Variants in ABCB11 observed in about 807,000 individuals in gnomAD.
The protein encoded by ABCB11 is ATP binding cassette subfamily B member 11.
A neutral mutation model predicts 148.0 loss-of-function variants in ABCB11; 95 were observed. That is an observed-to-expected ratio of 0.64 (90% CI 0.54 to 0.76). ABCB11 has a LOEUF of 0.76. Among genes scored for constraint, ABCB11 ranks in the 30% least tolerant of loss-of-function variants. The probability of loss-of-function intolerance (pLI) is 0.00; values close to 1 mark genes in which losing one functional copy is unlikely to be tolerated. For synonymous variants in ABCB11, 591 were observed against 555.4 expected, an observed-to-expected ratio of 1.06 and a Z score of -0.90; for missense variants, 1,523 against 1,617.8, an observed-to-expected ratio of 0.94 and a Z score of 1.01.
intron 5 of ABCB11, among the ~76,000 whole-genome samples, chr2:169,009,594 G>A (rs1415721204): frequency 4.7e-4 from 50 of 106,292 alleles, no homozygotes; most frequent in Non-Finnish European, 2.0e-4. Flanking sequence ...GGGGGGAGGG[G>A]GGAGGGATAG....
At chr2:168,969,814 A>C (rs1334500672) in intron 15 of ABCB11, among the ~76,000 whole-genome samples, 1 of 152,078 alleles carries the variant, frequency 6.6e-6, no homozygotes, top group Non-Finnish European at 1.5e-5. Context: ...TAGTCTTAAC[A>C]AGATTTAAAC....
intron 8 of ABCB11, among the ~76,000 whole-genome samples, chr2:168,992,723 G>A (rs1047255396): frequency 2.0e-5 from 3 of 151,996 alleles, no homozygotes; most frequent in Non-Finnish European, 4.4e-5. Flanking sequence ...ACCTGTTAGC[G>A]GTACAGCCAA....
rs774654814 is a variant in ABCB11, at chr2:169,014,305, A to G, written c.148T>C (p.Leu50=). 2 of 1,613,054 alleles carry G rather than the reference A, an allele frequency of 1.2e-6. No homozygotes were observed. Among genetic ancestry groups the G allele is most frequent in the South Asian group, 2.2e-5 (2 of 91,056 alleles). Residue 50 remains leucine (L), a splice_region_variant and synonymous_variant, in exon 4 of 28, where the codon TTG becomes CTG. Transcript: ENST00000650372. The stretch of plus-strand genomic sequence containing the variant: ...ATAAATCAACACAGTTTTATTACCA[A>G]TTGAAAGAAGCCAACTCTAACGCCA... ...GDGVRVGFFQ[L]FRFSSSTDIW...
chr2:169,013,417 T>C lies in ABCB11; in HGVS notation c.244A>G (p.Ile82Val). The C allele has an allele frequency of 3.1e-6, 5 of 1,613,670 alleles. No individual in the cohort carries two copies. The highest frequency in any genetic ancestry group is 4.2e-6 in the Non-Finnish European group (5 of 1,179,780). Residue 82 changes from isoleucine (I) to valine (V), a missense_variant, in exon 5 of 28, where the codon ATT becomes GTT. Ile to Val is a conservative substitution (Grantham distance 29). Coordinates refer to ENST00000650372, the MANE Select transcript of ABCB11 (RefSeq NM_003742.4). The stretch of plus-strand genomic sequence containing the variant: ...AAAACATCTGTCATTGTGCCAAAAA[T>C]GAGTAGCACGCCTGGCTGGGCTATT... ...HGIAQPGVLLIFGTMTDVFID... is the reference protein window; with the variant it reads ...HGIAQPGVLLVFGTMTDVFID...
chr2:168,927,380 G>A lies in ABCB11; in HGVS notation c.3412-18C>T. On this transcript the variant is annotated intron_variant, in intron 25 of 27. Transcript: ENST00000650372. ...TCTATCATCTGCCAATAGAGGAGAT[G>A]ACAGGTCATTAGGTTTTTAGAATTC... 6.2e-7 allele frequency: 1 copy of A among 1,600,998 alleles called. No individual in the cohort carries two copies. The highest frequency in any genetic ancestry group is 8.6e-7 in the Non-Finnish European group (1 of 1,169,050).
At chr2:168,954,895 G>T (rs1164434645) in intron 19 of ABCB11, among the ~76,000 whole-genome samples, 2 of 151,602 alleles carry the variant, frequency 1.3e-5, no homozygotes, top group African/African-American at 4.8e-5. Flanking sequence ...TCCATGTTCA[G>T]TCCCTTTACT....
intron 21 of ABCB11, 54 bp from the exon 22 acceptor site, chr2:168,936,487 T>C (rs1265174217): frequency 6.4e-7 from 1 of 1,550,522 alleles, no homozygotes; most frequent in Non-Finnish European, 8.9e-7. Flanking sequence ...CTTTTACCAA[T>C]TACCATTACA....
intron 5 of ABCB11, among the ~76,000 whole-genome samples, chr2:169,002,745 CAG>C (rs1694912434): frequency 6.6e-6 from 1 of 151,942 alleles, no homozygotes; most frequent in South Asian, 2.1e-4. Flanking sequence ...TTCATAGAAG[CAG>C]AGAGTAAAAT....
chr2:169,020,656 A>G (rs1695509297), intron 1 of ABCB11, among the ~76,000 whole-genome samples: 1 of 148,704 alleles, frequency 6.7e-6, no homozygotes, highest in Non-Finnish European at 1.5e-5. Context: ...TTCCATTTAC[A>G]TGAAATGTCC....
chr2:169,020,480 G>A (rs2106063762), intron 1 of ABCB11, among the ~76,000 whole-genome samples: 1 of 152,068 alleles, frequency 6.6e-6, no homozygotes, highest in African/African-American at 2.4e-5. Context: ...ACTAAAAAAA[G>A]CATAACAAAC....
At chr2:168,951,852 C>T (rs78250162) in intron 19 of ABCB11, among the ~76,000 whole-genome samples, 3,265 of 151,514 alleles carry the variant, frequency 0.022, 75 homozygotes, top group South Asian at 0.085. Flanking sequence ...TTCAACTTTT[C>T]CCCATTAAGT....
chr2:168,963,929 C>T (rs1574438796), intron 18 of ABCB11, among the ~76,000 whole-genome samples: 2 of 151,964 alleles, frequency 1.3e-5, no homozygotes, highest in South Asian at 2.1e-4. Context: ...TTCACACATT[C>T]TGTGTTTGTT....
Position 168,969,365 on chromosome 2 carries a change from C to T in ABCB11, c.1996G>A (p.Glu666Lys), listed in dbSNP as rs1326800279. 4 of 1,611,890 alleles carry T rather than the reference C, an allele frequency of 2.5e-6. No individual in the cohort carries two copies. Among genetic ancestry groups the T allele is most frequent in the Non-Finnish European group, 3.4e-6 (4 of 1,178,950 alleles). Residue 666 changes from glutamate (E) to lysine (K), a missense_variant, in exon 16 of 28, where the codon GAA (glutamate) becomes AAA (lysine). Glu to Lys is a moderately conservative substitution (Grantham distance 56). Coordinates refer to ENST00000650372, the MANE Select transcript of ABCB11 (RefSeq NM_003742.4). ...LQSQGNQALN[E>K]EDIKDATEDD... ...AAGCACTTGCCCTTTATGTCCTCTT[C>T]ATTAAGAGCTTGATTTCCCTGGCTT...
At chr2:169,003,190 G>A (rs1056153123) in intron 5 of ABCB11, among the ~76,000 whole-genome samples, 6 of 151,702 alleles carry the variant, frequency 4.0e-5, no homozygotes, top group Non-Finnish European at 7.4e-5. Flanking sequence ...TCGTACATAT[G>A]AGTGAGAACA....
intron 7 of ABCB11, 125 bp from the exon 8 acceptor site, chr2:168,994,007 T>TA: frequency 1.3e-6 from 1 of 782,706 alleles, no homozygotes; most frequent in Non-Finnish European, 2.0e-6. Context: ...TGGATAGCAT[T>TA]AACAGCCTCT....
At position 168,957,478 on chromosome 2, in the gene ABCB11, TTCTG is replaced by T. The variant is rs1242159464; in HGVS notation, c.2343+482_2343+485del. Among the ~76,000 whole-genome samples, 5 of 151,836 alleles carry T rather than the reference TTCTG, an allele frequency of 3.3e-5. No individual in the cohort carries two copies. In the South Asian group the frequency reaches 6.2e-4, roughly 19 times the overall value. ...AGTTTTCAATCATGCCTTATTTTAC[TTCTG>T]TCTTTCTTTTTCTGCTTCCTATCCA... On this transcript the variant is annotated intron_variant, in intron 19 of 27. Coordinates refer to ENST00000650372, the MANE Select transcript of ABCB11 (RefSeq NM_003742.4).
At chr2:168,999,428 A>T (rs1338193293) in intron 5 of ABCB11, among the ~76,000 whole-genome samples, 1 of 152,052 alleles carries the variant, frequency 6.6e-6, no homozygotes, top group Admixed American at 6.6e-5. Flanking sequence ...AGATCAGAAC[A>T]TTCTCATCAT....
chr2:168,971,791 C>A (rs1693586918), intron 14 of ABCB11, 56 bp downstream of exon 14: 26 of 1,537,664 alleles, frequency 1.7e-5, no homozygotes, highest in Non-Finnish European at 2.1e-5. Flanking sequence ...AATTGTGCAA[C>A]TTTTTTTCCT....
intron 1 of ABCB11, 61 bp downstream of exon 1, chr2:169,031,164 A>T (rs1168825029): frequency 6.6e-6 from 1 of 152,198 alleles, no homozygotes; most frequent in Non-Finnish European, 1.5e-5. Context: ...ACTCCACTCC[A>T]CAAAGTAAGA....
Sources: allele counts gnomAD v4.1 joint callset (sites outside exome capture counted in the v4.1 genomes callset), GRCh38; gene constraint gnomAD v4.1.1; transcripts MANE v1.5; gene names NCBI Gene and HGNC (gene_info 2026-07-23, HGNC 2026-07-21).